The following NR6A1 variants were observed in gnomAD, a reference collection of about 807,000 sequenced individuals.
NR6A1 encodes retinoic acid receptor-related testis-associated receptor.
In NR6A1, 7 loss-of-function variants were observed where a neutral mutation model predicts 59.1. That is an observed-to-expected ratio of 0.12 (90% CI 0.07 to 0.22). The LOEUF (loss-of-function observed/expected upper bound fraction) is 0.22, where lower values mean the gene tolerates loss of function less well. Ranked by LOEUF, NR6A1 falls within the 10% of genes least tolerant of loss-of-function variation. The pLI, the probability that NR6A1 is intolerant of heterozygous loss-of-function variation, is 1.00. For synonymous variants in NR6A1, 243 were observed against 236.1 expected (o/e 1.03, Z -0.27); for missense variants, 468 against 611.6 (o/e 0.77, Z 2.48).
chr9:124,684,951 A>G (rs1006264339), intron 2 of NR6A1, among the ~76,000 whole-genome samples: 3 of 152,086 alleles, frequency 2.0e-5, no homozygotes, highest in Admixed American at 6.6e-5. Context: ...CTTGAAGGCT[A>G]TATCATCTAT....
At chr9:124,656,411 G>A (rs1200455725) in intron 2 of NR6A1, among the ~76,000 whole-genome samples, 1 of 152,156 alleles carries the variant, frequency 6.6e-6, no homozygotes, top group African/African-American at 2.4e-5. Context: ...TAAAACGTAA[G>A]GAAATTCTGA....
chr9:124,623,378 T>G (rs1383982526), intron 2 of NR6A1, among the ~76,000 whole-genome samples: 5 of 152,040 alleles, frequency 3.3e-5, no homozygotes, highest in Non-Finnish European at 5.9e-5. Flanking sequence ...ATTTATTTAT[T>G]TGAGACAAGG....
chr9:124,728,618 G>C (rs1839794879), intron 2 of NR6A1, among the ~76,000 whole-genome samples: 1 of 148,430 alleles, frequency 6.7e-6, no homozygotes. Flanking sequence ...CTGGGTGACA[G>C]AGCGAGACTC....
At chr9:124,625,431 G>C (rs1342141668) in intron 2 of NR6A1, among the ~76,000 whole-genome samples, 2 of 152,136 alleles carry the variant, frequency 1.3e-5, no homozygotes, top group African/African-American at 4.8e-5. Flanking sequence ...AGGCTCAAGC[G>C]AGCCTCCTGC....
Position 124,526,807 on chromosome 9 carries a change from G to A in NR6A1, c.1173C>T (p.Cys391=), listed in dbSNP as rs747798753. The A allele has an allele frequency of 8.7e-6, 14 of 1,613,862 alleles. No homozygotes were observed. Among genetic ancestry groups the A allele is most frequent in the Non-Finnish European group, 1.2e-5 (14 of 1,179,898 alleles). The change falls in exon 8 of 10, where the codon TGC becomes TGT. Residue 391 remains cysteine, a synonymous_variant. Transcript: ENST00000487099. ...GATTTAGGAAGTTAATTGCTTTCAT[G>A]CAAGCATACTCCTCGTTGCTGACCT... is the stretch of plus-strand genomic sequence containing the variant. ...QLKVSNEEYA[C]MKAINFLNQD...
At chr9:124,644,633 G>A (rs1382721940) in intron 2 of NR6A1, among the ~76,000 whole-genome samples, 1 of 152,144 alleles carries the variant, frequency 6.6e-6, no homozygotes, top group African/African-American at 2.4e-5. Flanking sequence ...TATCCAAACT[G>A]ATAGTGTCTA....
intron 2 of NR6A1, among the ~76,000 whole-genome samples, chr9:124,561,333 G>A (rs971488143): frequency 1.6e-4 from 24 of 152,150 alleles, no homozygotes; most frequent in African/African-American, 5.5e-4. Context: ...TACCCAGGAG[G>A]AGGCTGAGGT....
intron 2 of NR6A1, among the ~76,000 whole-genome samples, chr9:124,575,048 A>T (rs1006603480): frequency 6.6e-6 from 1 of 152,106 alleles, no homozygotes; most frequent in Admixed American, 6.6e-5. Context: ...TATTGCCTTG[A>T]GTCACTGTGA....
At chr9:124,762,635 T>C (rs1029894885) in intron 1 of NR6A1, among the ~76,000 whole-genome samples, 1 of 152,206 alleles carries the variant, frequency 6.6e-6, no homozygotes, top group Non-Finnish European at 1.5e-5. Flanking sequence ...TTTAAAACCA[T>C]ATCAATGAAC....
chr9:124,595,534 A>C (rs1386356434), intron 2 of NR6A1, among the ~76,000 whole-genome samples: 1 of 152,184 alleles, frequency 6.6e-6, no homozygotes, highest in Non-Finnish European at 1.5e-5. Context: ...CATCAACCAC[A>C]ACAATGAATT....
At chr9:124,647,772 G>GA (rs1379213535) in intron 2 of NR6A1, among the ~76,000 whole-genome samples, 1 of 140,406 alleles carries the variant, frequency 7.1e-6, no homozygotes, top group African/African-American at 2.7e-5. Context: ...AAAAGAAATA[G>GA]AAAACCTTAA....
In NR6A1 at chr9:124,633,154, C is replaced by T. The variant is rs1487018985; in HGVS notation, c.143-78584G>A. 2.0e-5 allele frequency among the ~76,000 whole-genome samples: 3 copies of T among 152,084 alleles called. No homozygotes were observed. In the East Asian group the frequency reaches 5.8e-4, roughly 29 times the overall value. Reference sequence around the variant, plus strand: ...GCGCAGTGGCTCACACTTGTAATCCCAGCTCTTTGGGAGGCCAAGGCGAGC... The same window carrying T: ...GCGCAGTGGCTCACACTTGTAATCCTAGCTCTTTGGGAGGCCAAGGCGAGC... On this transcript the variant is annotated intron_variant, in intron 2 of 9. Transcript: ENST00000487099.
At chr9:124,681,338 CTTTTTTT>C (rs779847656) in intron 2 of NR6A1, among the ~76,000 whole-genome samples, 2 of 110,782 alleles carry the variant, frequency 1.8e-5, no homozygotes, top group Admixed American at 1.0e-4. Context: ...AACATTTGAG[CTTTTTTT>C]TTTTTTTTTT....
chr9:124,535,768 C>G (rs762087380), intron 7 of NR6A1, 110 bp downstream of exon 7: 11 of 1,340,012 alleles, frequency 8.2e-6, no homozygotes, highest in Non-Finnish European at 1.1e-5. Context: ...GATTCAAATC[C>G]AGGCCTATGA....
At chr9:124,606,368 G>C (rs1002189853) in intron 2 of NR6A1, among the ~76,000 whole-genome samples, 4 of 151,974 alleles carry the variant, frequency 2.6e-5, no homozygotes, top group Admixed American at 6.6e-5. Flanking sequence ...CCAAGAACAA[G>C]GGACCAGGGT....
intron 2 of NR6A1, among the ~76,000 whole-genome samples, chr9:124,732,124 T>C (rs1420454474): frequency 6.6e-6 from 1 of 152,192 alleles, no homozygotes; most frequent in Non-Finnish European, 1.5e-5. Flanking sequence ...TGGACATTTA[T>C]ACTAATAAGG....
At position 124,750,617 on chromosome 9, in the gene NR6A1, G is replaced by A. The variant is rs548300950; in HGVS notation, c.101-17268C>T. On this transcript the variant is annotated intron_variant, in intron 1 of 9. Transcript: ENST00000487099. ...CTACTAAAAATACAAAAAATTAGCCGGGCGTGGTGGTGGGCGCCTGTAGTC... is the reference window on the plus strand; with the variant it reads ...CTACTAAAAATACAAAAAATTAGCCAGGCGTGGTGGTGGGCGCCTGTAGTC... Among the ~76,000 whole-genome samples the A allele has an allele frequency of 1.2e-3, 176 of 152,030 alleles. 1 individual carries two copies. Among genetic ancestry groups the A allele is most frequent in the African/African-American group, 3.8e-3 (157 of 41,490 alleles).
chr9:124,642,696 A>T (rs139425810), intron 2 of NR6A1, among the ~76,000 whole-genome samples: 36 of 152,300 alleles, frequency 2.4e-4, no homozygotes, highest in African/African-American at 8.2e-4. Context: ...TTTAAAAAAT[A>T]ACTGTGGGGC....
At chr9:124,715,663 AAAAG>A (rs1419992389) in intron 2 of NR6A1, among the ~76,000 whole-genome samples, 3 of 152,210 alleles carry the variant, frequency 2.0e-5, no homozygotes, top group African/African-American at 4.8e-5. Flanking sequence ...AAAAAAAGAA[AAAAG>A]AAAGTTGATA....
Sources: gnomAD v4.1 joint callset for allele counts (sites outside exome capture counted in the v4.1 genomes callset) on GRCh38, gnomAD v4.1.1 for gene constraint, MANE v1.5 for transcripts, NCBI Gene and HGNC (gene_info 2026-07-23, HGNC 2026-07-21) for gene names.